SGCD: variants seen among roughly 807,000 people sequenced by gnomAD.
The protein encoded by SGCD is delta-sarcoglycan.
SGCD carries 18 observed loss-of-function variants against 36.6 expected under a neutral mutation model. The observed-to-expected ratio is 0.49, with a 90% CI of 0.34 to 0.73. SGCD has a LOEUF of 0.73. SGCD is among the 30% of genes least tolerant of loss of function. SGCD has a pLI of 0.01. For missense variants in SGCD, 387 were observed against 346.7 expected, an observed-to-expected ratio of 1.12 and a Z score of -0.92; for synonymous variants, 133 against 130.6, an observed-to-expected ratio of 1.02 and a Z score of -0.12.
chr5:155,764,422 C>A, the SGCD span, among the ~76,000 whole-genome samples: 1 of 152,222 alleles, frequency 6.6e-6, no homozygotes, highest in African/African-American at 2.4e-5. Context: ...GCTTGGCTGG[C>A]CAGAACTGTT....
chr5:156,348,881 A>G (rs1050881700), intron 3 of SGCD, among the ~76,000 whole-genome samples: 17 of 152,190 alleles, frequency 1.1e-4, no homozygotes, highest in African/African-American at 3.9e-4. Flanking sequence ...CCAAAACAGC[A>G]TAATACTGCT....
rs187937091 is a variant in SGCD at position 155,986,396 on chromosome 5, A to G, written c.-282+115972A>G. On this transcript the variant is annotated intron_variant, in intron 1 of 9. Transcript: ENST00000517913. ...CCTATGTGACAGCTGATTCACATGC[A>G]TGGGTTCTAGGGAGCATGTGGGAAA... Among the ~76,000 whole-genome samples, 175 of 152,316 alleles carry G rather than the reference A, an allele frequency of 1.1e-3. 1 individual carries two copies. The highest frequency in any genetic ancestry group is 2.0e-3 in the Admixed American group (30 of 15,304).
the SGCD span, among the ~76,000 whole-genome samples, chr5:155,754,229 A>AT: frequency 3.3e-5 from 5 of 152,212 alleles, no homozygotes; most frequent in African/African-American, 1.2e-4. Flanking sequence ...AGGAATAGTA[A>AT]TCCCTGCTTT....
At position 156,344,593 on chromosome 5, in the gene SGCD, T is replaced by C; in HGVS notation, c.108T>C (p.Tyr36=). The change falls in exon 3 of 9, where the codon TAT becomes TAC. Residue 36 remains tyrosine, a synonymous_variant. Transcript: ENST00000337851. ...GIYGWRKRCL[Y]FFVLLLMILI... is the part of the protein sequence containing the mutation. ...ATGGCTGGCGGAAACGATGCCTGTA[T>C]TTCTTTGTCCTGCTCCTCATGATTT... 1 of 1,612,720 alleles carries C rather than the reference T, an allele frequency of 6.2e-7. No homozygotes were observed. Among genetic ancestry groups the C allele is most frequent in the South Asian group, 1.1e-5 (1 of 90,718 alleles).
At chr5:156,598,554 CA>C (rs1281583355) in intron 6 of SGCD, among the ~76,000 whole-genome samples, 1 of 151,952 alleles carries the variant, frequency 6.6e-6, no homozygotes, top group Non-Finnish European at 1.5e-5. Context: ...AAAACAAAAA[CA>C]AAAACAAAAA....
At chr5:155,761,519 ATCATCATCTG>A in the SGCD span, among the ~76,000 whole-genome samples, 2 of 127,616 alleles carry the variant, frequency 1.6e-5, no homozygotes, top group African/African-American at 6.1e-5. Flanking sequence ...CACCCTCTCC[ATCATCATCTG>A]TCACCATCTC....
chr5:156,461,993 G>A (rs544590768), intron 3 of SGCD, among the ~76,000 whole-genome samples: 1 of 152,292 alleles, frequency 6.6e-6, no homozygotes, highest in South Asian at 2.1e-4. Flanking sequence ...GAAGAAGTAT[G>A]AGTGAAGGAA....
intron 6 of SGCD, 139 bp downstream of exon 6, chr5:156,595,190 G>T: frequency 2.9e-6 from 3 of 1,037,870 alleles, no homozygotes; most frequent in Non-Finnish European, 4.1e-6. Flanking sequence ...ATGGTATTAG[G>T]AGGTGGAGCC....
At chr5:156,567,002 C>T (rs1346033133) in intron 4 of SGCD, among the ~76,000 whole-genome samples, 5 of 152,062 alleles carry the variant, frequency 3.3e-5, no homozygotes, top group African/African-American at 7.2e-5. Flanking sequence ...TTAGAAAGTC[C>T]TCTTCTCATT....
chr5:156,494,276 C>G (rs1348935392), intron 3 of SGCD, among the ~76,000 whole-genome samples: 1 of 151,460 alleles, frequency 6.6e-6, no homozygotes, highest in Non-Finnish European at 1.5e-5. Flanking sequence ...AGAAAAGATT[C>G]TTTGACTAGT....
intron 3 of SGCD, among the ~76,000 whole-genome samples, chr5:156,220,916 T>G (rs1299261724): frequency 6.6e-6 from 1 of 152,110 alleles, no homozygotes; most frequent in Admixed American, 6.6e-5. Flanking sequence ...AATGGGCATG[T>G]TCATTTTGTG....
intron 1 of SGCD, among the ~76,000 whole-genome samples, chr5:156,085,120 G>A (rs1284771566): frequency 6.6e-6 from 1 of 151,516 alleles, no homozygotes; most frequent in Non-Finnish European, 1.5e-5. Flanking sequence ...GAGAATTTTT[G>A]CCTCTAAGTT....
chr5:156,091,811 T>A (rs1334642925), intron 1 of SGCD, among the ~76,000 whole-genome samples: 1 of 152,248 alleles, frequency 6.6e-6, no homozygotes, highest in Non-Finnish European at 1.5e-5. Context: ...TCATGAGGCA[T>A]GAACACAGTG....
At chr5:156,553,085 G>A (rs892841670) in intron 4 of SGCD, among the ~76,000 whole-genome samples, 1 of 152,190 alleles carries the variant, frequency 6.6e-6, no homozygotes, top group Admixed American at 6.5e-5. Flanking sequence ...AGATCACATG[G>A]TCAGAGATGA....
intron 3 of SGCD, among the ~76,000 whole-genome samples, chr5:156,487,172 C>G (rs1182705293): frequency 6.6e-6 from 1 of 152,216 alleles, no homozygotes; most frequent in Non-Finnish European, 1.5e-5. Context: ...CTGTCTCAAG[C>G]AAAGCCTCAC....
intron 3 of SGCD, among the ~76,000 whole-genome samples, chr5:156,240,786 T>A: frequency 6.6e-6 from 1 of 152,246 alleles, no homozygotes; most frequent in African/African-American, 2.4e-5. Flanking sequence ...TTTATTGTAT[T>A]TTACAAAGTA....
chr5:156,129,052 T>C (rs2127605433), intron 3 of SGCD, among the ~76,000 whole-genome samples: 1 of 152,228 alleles, frequency 6.6e-6, no homozygotes, highest in South Asian at 2.1e-4. Context: ...TTGCTTCTGG[T>C]GAGGTGATGC....
intron 3 of SGCD, among the ~76,000 whole-genome samples, chr5:156,361,600 G>GT (rs1769796775): frequency 6.6e-6 from 1 of 152,192 alleles, no homozygotes; most frequent in African/African-American, 2.4e-5. Flanking sequence ...ATAAGTTTCA[G>GT]TTGCTAAAAT....
chr5:156,257,845 C>A (rs1165908761), intron 3 of SGCD, among the ~76,000 whole-genome samples: 1 of 152,144 alleles, frequency 6.6e-6, no homozygotes, highest in Non-Finnish European at 1.5e-5. Flanking sequence ...GCTTGAGAGA[C>A]AGAGCGAGAG....
Sources: allele counts gnomAD v4.1 joint callset (sites outside exome capture counted in the v4.1 genomes callset), GRCh38; gene constraint gnomAD v4.1.1; transcripts MANE v1.5; gene names NCBI Gene and HGNC (gene_info 2026-07-23, HGNC 2026-07-21).